The following CHST12 variants were observed in gnomAD, a reference collection of about 807,000 sequenced individuals.
CHST12 encodes the protein carbohydrate sulfotransferase 12, also known as carbohydrate (chondroitin 4) sulfotransferase 12.
In CHST12, 23 loss-of-function variants were observed where a neutral mutation model predicts 27.9. That is an observed-to-expected ratio of 0.82 (90% CI 0.59 to 1.17). CHST12 has a LOEUF of 1.17. CHST12 is among the 50% of genes most tolerant of loss of function. The pLI is 0.00. For missense variants in CHST12, 682 were observed against 603.0 expected (o/e 1.13, Z -1.37); for synonymous variants, 322 against 273.0 (o/e 1.18, Z -1.77).
In CHST12 at chr7:2,433,032, C is replaced by A; in HGVS notation, c.393C>A (p.Phe131Leu). 1 of 1,611,496 alleles carries A rather than the reference C, an allele frequency of 6.2e-7. No individual in the cohort carries two copies. Among genetic ancestry groups the A allele is most frequent in the Non-Finnish European group, 8.5e-7 (1 of 1,179,534 alleles). ...AGCGGAGGAGCGTGCTGCGGGGCTTCTGCGCCAACTCCAGCCTGGCCTTCC... is the reference window on the plus strand; with the variant it reads ...AGCGGAGGAGCGTGCTGCGGGGCTTATGCGCCAACTCCAGCCTGGCCTTCC... ...QAERRSVLRG[F>L]CANSSLAFPT... is the part of the protein sequence containing the mutation. Residue 131 changes from phenylalanine to leucine, a missense_variant, in exon 2 of 2, where the codon TTC (phenylalanine) becomes TTA (leucine). Coordinates refer to ENST00000618655, the MANE Select transcript of CHST12 (RefSeq NM_018641.5). The surrounding 1 kb of genome is among the most constrained non-coding windows in gnomAD (Gnocchi z 6.1).
At chr7:2,408,596 C>T (rs560744408) in intron 1 of CHST12, among the ~76,000 whole-genome samples, 39 of 152,206 alleles carry the variant, frequency 2.6e-4, no homozygotes, top group East Asian at 1.5e-3. Flanking sequence ...TGGCAGGAGA[C>T]GGGAGGGCCT....
chr7:2,432,819 C>G lies in CHST12; in HGVS notation c.180C>G (p.Leu60=). ...PTPGPDRDRE[L]TADSDVDEFL... Reference sequence around the variant, plus strand: ...CCGGGCCGGACAGGGACAGGGAGCTCACGGCCGACTCCGATGTCGACGAGT... The same window carrying G: ...CCGGGCCGGACAGGGACAGGGAGCTGACGGCCGACTCCGATGTCGACGAGT... Residue 60 remains leucine (L), a synonymous_variant, in exon 2 of 2, where the codon CTC becomes CTG. Transcript: ENST00000618655. The G allele has an allele frequency of 6.2e-7, 1 of 1,613,836 alleles. No individual in the cohort carries two copies. Among genetic ancestry groups the G allele is most frequent in the Non-Finnish European group, 8.5e-7 (1 of 1,179,874 alleles).
At chr7:2,428,257 C>A (rs1487660873) in intron 1 of CHST12, among the ~76,000 whole-genome samples, 1 of 149,948 alleles carries the variant, frequency 6.7e-6, no homozygotes, top group Non-Finnish European at 1.5e-5. Context: ...TGCAGTGGCA[C>A]AATCTCGGCT....
chr7:2,433,947 T>C lies in CHST12; in HGVS notation c.*63T>C. On this transcript the variant is annotated 3_prime_UTR_variant, in exon 2 of 2. Transcript: ENST00000618655. This position sits in a 1 kb window ranked among gnomAD's most constrained non-coding sequence, Gnocchi z 6.1. ...TGACGCACGCGCACTCCAGTTTTTT[T>C]ATGACCTACGATTTTGCAATCTGGG... 1 of 1,440,350 alleles carries C rather than the reference T, an allele frequency of 6.9e-7. No homozygotes were observed. Among genetic ancestry groups the C allele is most frequent in the Non-Finnish European group, 9.4e-7 (1 of 1,063,872 alleles). The allele number at this position is 1,440,350 out of a possible 1,614,324, so 89.2% of individuals were successfully genotyped here. A position where few individuals can be genotyped will look rare whatever the true frequency, so the allele number is the denominator to read the frequency against.
In CHST12 at chr7:2,440,156, C is replaced by T. The variant is rs1297425618; in HGVS notation, c.*6272C>T. ...TTCCGCAGGCATGCCTGAAATGACTCCCATGGCTGTCATGGTGCCATCTGG... is the reference window on the plus strand; with the variant it reads ...TTCCGCAGGCATGCCTGAAATGACTTCCATGGCTGTCATGGTGCCATCTGG... On this transcript the variant is annotated 3_prime_UTR_variant, in exon 2 of 2. Transcript: ENST00000618655. The T allele has an allele frequency of 2.6e-5, 4 of 153,990 alleles. No homozygotes were observed. The highest frequency in any genetic ancestry group is 1.5e-5 in the Non-Finnish European group (1 of 68,076). The allele number at this position is 153,990 out of a possible 1,614,324, so 9.5% of individuals were successfully genotyped here.
intron 1 of CHST12, among the ~76,000 whole-genome samples, chr7:2,429,758 T>G (rs777186609): frequency 1.7e-4 from 26 of 152,240 alleles, no homozygotes; most frequent in Admixed American, 9.8e-4. Flanking sequence ...TAGGTTTTTT[T>G]CATTTGTTTG....
chr7:2,430,858 G>A (rs1782254420), intron 1 of CHST12, among the ~76,000 whole-genome samples: 1 of 152,228 alleles, frequency 6.6e-6, no homozygotes, highest in Non-Finnish European at 1.5e-5. Flanking sequence ...GAAGTGATGG[G>A]ATTACAGATG....
chr7:2,433,442 G>GC lies in CHST12; in HGVS notation c.804dup (p.Lys269GlnfsTer126). 6.2e-7 allele frequency: 1 copy of GC among 1,609,838 alleles called. No individual in the cohort carries two copies. Among genetic ancestry groups the GC allele is most frequent in the Non-Finnish European group, 8.5e-7 (1 of 1,179,908 alleles). On this transcript the variant is annotated frameshift_variant, in exon 2 of 2. Coordinates refer to ENST00000618655, the MANE Select transcript of CHST12 (RefSeq NM_018641.5). LOFTEE classifies it high-confidence loss of function. The surrounding 1 kb of genome is among the most constrained non-coding windows in gnomAD (Gnocchi z 6.1). ...GAGCTGGAGAACGAGGAGTTCTACC[G>GC]CAAGTTCGCCGTGCCCATGCTGCGG...
In CHST12 at chr7:2,433,429, G is replaced by A; in HGVS notation, c.790G>A (p.Glu264Lys). ...AFRSKFELEN[E>K]EFYRKFAVPM... is the part of the protein sequence containing the mutation. The stretch of plus-strand genomic sequence containing the variant: ...CCGCAGCAAGTTCGAGCTGGAGAAC[G>A]AGGAGTTCTACCGCAAGTTCGCCGT... The change falls in exon 2 of 2, where the codon GAG becomes AAG. Residue 264 changes from glutamate (E) to lysine (K), a missense_variant. Glu to Lys is a moderately conservative substitution (Grantham distance 56). Transcript: ENST00000618655. The surrounding 1 kb of genome is among the most constrained non-coding windows in gnomAD (Gnocchi z 6.1). 6.2e-7 allele frequency: 1 copy of A among 1,609,736 alleles called. No homozygotes were observed. The highest frequency in any genetic ancestry group is 8.5e-7 in the Non-Finnish European group (1 of 1,179,918).
intron 1 of CHST12, among the ~76,000 whole-genome samples, chr7:2,407,599 A>G (rs1781557790): frequency 1.3e-5 from 2 of 152,194 alleles, no homozygotes; most frequent in Admixed American, 6.5e-5. Flanking sequence ...AAATGCAGGT[A>G]TCCTTCACTT....
chr7:2,430,562 C>T (rs1782247035), intron 1 of CHST12, among the ~76,000 whole-genome samples: 1 of 152,226 alleles, frequency 6.6e-6, no homozygotes, highest in Non-Finnish European at 1.5e-5. Context: ...AGGTGATCCA[C>T]CTGCCTTGGC....
At chr7:2,406,192 G>C (rs538014560) in intron 1 of CHST12, among the ~76,000 whole-genome samples, 233 of 152,106 alleles carry the variant, frequency 1.5e-3, no homozygotes, top group Non-Finnish European at 2.5e-3. Context: ...TTGCTTAGTG[G>C]GTCTGTGGCT....
At chr7:2,420,482 G>T (rs992441641) in intron 1 of CHST12, among the ~76,000 whole-genome samples, 4 of 152,176 alleles carry the variant, frequency 2.6e-5, no homozygotes, top group African/African-American at 9.7e-5. Context: ...GCTGACATCA[G>T]TGTGGACATG....
At chr7:2,424,581 A>G (rs116787171) in intron 1 of CHST12, among the ~76,000 whole-genome samples, 1,535 of 152,210 alleles carry the variant, frequency 0.01, 29 homozygotes, top group African/African-American at 0.035. Context: ...CTCCCGGGCA[A>G]TCCGCCTGTT....
chr7:2,434,131 C>G lies in CHST12; in HGVS notation c.*247C>G. 2.9e-6 allele frequency: 1 copy of G among 344,704 alleles called. No homozygotes were observed. Among genetic ancestry groups the G allele is most frequent in the Non-Finnish European group, 5.5e-6 (1 of 180,804 alleles). 21.4% of individuals were successfully genotyped at this position (344,704 alleles called of 1,614,324 possible). On this transcript the variant is annotated 3_prime_UTR_variant, in exon 2 of 2. Transcript: ENST00000618655. ...CCGCCCACCCGCCCGCCCGCTCGCC[C>G]GCTCGCCCGCTCCTGTGGTTTTTCT...
At chr7:2,430,611 C>T (rs1262727544) in intron 1 of CHST12, among the ~76,000 whole-genome samples, 1 of 151,998 alleles carries the variant, frequency 6.6e-6, no homozygotes, top group Non-Finnish European at 1.5e-5. Context: ...AGCCACCATG[C>T]CCAGCCTAAA....
chr7:2,411,287 G>A (rs1392015445), intron 1 of CHST12, among the ~76,000 whole-genome samples: 1 of 151,946 alleles, frequency 6.6e-6, no homozygotes, highest in African/African-American at 2.4e-5. Flanking sequence ...TTGGTATGTT[G>A]CGCAAGCTGA....
In CHST12 at chr7:2,421,210, A is replaced by G. The variant is rs973989906; in HGVS notation, c.-77-11353A>G. 2.2e-5 allele frequency among the ~76,000 whole-genome samples: 3 copies of G among 139,486 alleles called. No individual in the cohort carries two copies. The Admixed American group carries it at 2.2e-4, about 10-fold the overall frequency. 91.5% of individuals were successfully genotyped at this position (139,486 alleles called of 152,430 possible). On this transcript the variant is annotated intron_variant, in intron 1 of 1. Transcript: ENST00000618655. The stretch of plus-strand genomic sequence containing the variant: ...GTAGCTGGGACTGTAAGTGCACACC[A>G]CCATGTCCTGCTAATTCTTTTTTTT...
Position 2,433,377 on chromosome 7 carries a change from C to A in CHST12, c.738C>A (p.Asp246Glu), listed in dbSNP as rs759986263. Residue 246 changes from aspartate to glutamate, a missense_variant, in exon 2 of 2, where the codon GAC becomes GAA. Transcript: ENST00000618655. This position sits in a 1 kb window ranked among gnomAD's most constrained non-coding sequence, Gnocchi z 6.1. ...KKYTKFLFVR[D>E]PFVRLISAFR... ...ACACCAAGTTCCTCTTCGTGCGCGA[C>A]CCCTTCGTGCGCCTGATCTCCGCCT... The A allele has an allele frequency of 4.3e-6, 7 of 1,610,270 alleles. No individual in the cohort carries two copies. The highest frequency in any genetic ancestry group is 1.3e-5 in the African/African-American group (1 of 74,938).
Sources: allele counts gnomAD v4.1 joint callset (sites outside exome capture counted in the v4.1 genomes callset), GRCh38; gene constraint gnomAD v4.1.1; non-coding constraint Gnocchi (gnomAD v3.1); transcripts MANE v1.5; gene names NCBI Gene and HGNC (gene_info 2026-07-23, HGNC 2026-07-21).